The following RYR3 variants were observed in gnomAD, a reference collection of about 807,000 sequenced individuals.
The protein encoded by RYR3 is ryanodine receptor 3, also known as brain ryanodine receptor-calcium release channel.
Under a neutral mutation model 584.3 loss-of-function variants are expected in RYR3, and 207 were observed. The observed-to-expected ratio is 0.35, with a 90% CI of 0.32 to 0.40. The LOEUF is 0.40. Among genes scored for constraint, RYR3 ranks in the 10% least tolerant of loss-of-function variants. The pLI is 1.00. For synonymous variants in RYR3, 2,416 were observed against 2,248.5 expected (o/e 1.07, Z -2.11); for missense variants, 5,616 against 6,089.2 (o/e 0.92, Z 2.59).
chr15:33,840,771 C>G (rs969140657), intron 89 of RYR3, 54 bp from the exon 90 acceptor site: 40 of 1,555,726 alleles, frequency 2.6e-5, no homozygotes, highest in Middle Eastern at 1.7e-4. Context: ...AATGTCTCAT[C>G]ATCATGACCT....
At chr15:33,490,500 A>T (rs986101469) in intron 2 of RYR3, among the ~76,000 whole-genome samples, 1 of 152,174 alleles carries the variant, frequency 6.6e-6, no homozygotes, top group Non-Finnish European at 1.5e-5. Flanking sequence ...AATAGTACTG[A>T]GGGTGGAATA....
At chr15:33,739,285 G>A (rs16957930) in intron 50 of RYR3, among the ~76,000 whole-genome samples, 70 of 152,276 alleles carry the variant, frequency 4.6e-4, no homozygotes, top group Non-Finnish European at 7.9e-4. Context: ...CCTGGATTTC[G>A]TTGGTCTAGT....
At chr15:33,685,172 C>T (rs2064901133) in intron 38 of RYR3, among the ~76,000 whole-genome samples, 1 of 152,156 alleles carries the variant, frequency 6.6e-6, no homozygotes, top group Non-Finnish European at 1.5e-5. Context: ...AGAGTCAAGA[C>T]CCATCAGTGT....
chr15:33,551,315 A>T (rs1249983937), intron 10 of RYR3, among the ~76,000 whole-genome samples: 2 of 152,130 alleles, frequency 1.3e-5, no homozygotes, highest in Non-Finnish European at 2.9e-5. Flanking sequence ...TCCAGAAATA[A>T]ATCTTGATAT....
Position 33,724,093 on chromosome 15 carries a change from GA to G in RYR3, c.6832del (p.Ile2278SerfsTer16). 6.2e-7 allele frequency: 1 copy of G among 1,612,066 alleles called. No homozygotes were observed. Among genetic ancestry groups the G allele is most frequent in the Non-Finnish European group, 8.5e-7 (1 of 1,178,238 alleles). On this transcript the variant is annotated frameshift_variant, in exon 45 of 104. Coordinates refer to ENST00000634891, the MANE Select transcript of RYR3 (RefSeq NM_001036.6). LOFTEE classifies it high-confidence loss of function. ...VSTGDDEEEE[E>X]IVHMGNAIMS... ...CACGGGGGACGATGAAGAGGAAGAAGAAATCGTGCATATGGGCAATGCAATT... is the reference window on the plus strand; with the variant it reads ...CACGGGGGACGATGAAGAGGAAGAAGAATCGTGCATATGGGCAATGCAATT...
chr15:33,554,841 T>TCATG (rs1484165785), intron 10 of RYR3, among the ~76,000 whole-genome samples: 1 of 152,238 alleles, frequency 6.6e-6, no homozygotes, highest in African/African-American at 2.4e-5. Context: ...TGTTTAGATG[T>TCATG]CATGACTCAA....
intron 1 of RYR3, among the ~76,000 whole-genome samples, chr15:33,433,497 CAAAG>C (rs764618347): frequency 9.2e-5 from 14 of 151,560 alleles, no homozygotes; most frequent in Non-Finnish European, 1.8e-4. Flanking sequence ...ATGATACACT[CAAAG>C]AAATTAAAGG....
At chr15:33,366,992 G>A (rs896690508) in intron 1 of RYR3, among the ~76,000 whole-genome samples, 22 of 152,278 alleles carry the variant, frequency 1.4e-4, no homozygotes, top group Middle Eastern at 3.4e-3. Flanking sequence ...TGATATTAGC[G>A]TGGCCAATTT....
At chr15:33,603,471 G>A (rs751282791) in intron 18 of RYR3, 107 bp downstream of exon 18, 11 of 1,187,836 alleles carry the variant, frequency 9.3e-6, no homozygotes, top group Non-Finnish European at 1.3e-5. Flanking sequence ...ACAGACTCAA[G>A]AGTCTCAACT....
chr15:33,810,380 C>A lies in RYR3; in HGVS notation c.10027-99C>A. 5.7e-6 allele frequency: 7 copies of A among 1,230,006 alleles called. No individual in the cohort carries two copies. The East Asian group carries it at 1.7e-4, about 30-fold the overall frequency. 76.2% of individuals were successfully genotyped at this position (1,230,006 alleles called of 1,614,324 possible). A position where few individuals can be genotyped will look rare whatever the true frequency, so the allele number is the denominator to read the frequency against. The stretch of plus-strand genomic sequence containing the variant: ...GAAGTGTAGTAAGGCCCACCCTATA[C>A]TGACAGGGCCACAAGGAGGCAGGCT... On this transcript the variant is annotated intron_variant, in intron 70 of 103. Coordinates refer to ENST00000634891, the MANE Select transcript of RYR3 (RefSeq NM_001036.6).
At chr15:33,666,637 A>G (rs985600016) in intron 36 of RYR3, among the ~76,000 whole-genome samples, 4 of 152,226 alleles carry the variant, frequency 2.6e-5, no homozygotes, top group Admixed American at 6.5e-5. Flanking sequence ...TCCTTCTACA[A>G]CCTTTGAAGA....
chr15:33,474,192 T>A (rs1281634235), intron 2 of RYR3, among the ~76,000 whole-genome samples: 2 of 152,220 alleles, frequency 1.3e-5, no homozygotes, highest in Non-Finnish European at 2.9e-5. Flanking sequence ...AAAACCTCTA[T>A]ATCCGTCAGG....
intron 1 of RYR3, among the ~76,000 whole-genome samples, chr15:33,451,854 TAAAG>T (rs2047159820): frequency 6.6e-6 from 1 of 152,262 alleles, no homozygotes; most frequent in Non-Finnish European, 1.5e-5. Flanking sequence ...AGTTGATAAA[TAAAG>T]CTCATAAAAT....
intron 43 of RYR3, among the ~76,000 whole-genome samples, chr15:33,719,597 A>T (rs947691909): frequency 1.3e-5 from 2 of 152,218 alleles, no homozygotes; most frequent in Non-Finnish European, 2.9e-5. Flanking sequence ...AGAAATTACA[A>T]CTGAGAGGGC....
At chr15:33,669,543 G>A in intron 37 of RYR3, 87 bp downstream of exon 37, 2 of 1,152,520 alleles carry the variant, frequency 1.7e-6, no homozygotes, top group Non-Finnish European at 2.6e-6. Context: ...TGGGAGGTTG[G>A]GAAGTTATTT....
Position 33,731,598 on chromosome 15 carries a change from A to T in RYR3, c.7328A>T (p.Asp2443Val). ...AGTEHCTSLIDSTLQTIYRLS... is the reference protein window; with the variant it reads ...AGTEHCTSLIVSTLQTIYRLS... The stretch of plus-strand genomic sequence containing the variant: ...ACAGAACACTGCACCTCTCTGATTG[A>T]TTCCACACTGCAGACAATATACAGG... Residue 2443 changes from aspartate to valine, a missense_variant, in exon 48 of 104, where the codon GAT (aspartate) becomes GTT (valine). This residue lies in a region of RYR3 where 1,280 missense variants were observed against 1,426.2 expected (regional missense o/e 0.90). Coordinates refer to ENST00000634891, the MANE Select transcript of RYR3 (RefSeq NM_001036.6). The T allele has an allele frequency of 6.2e-7, 1 of 1,613,834 alleles. No individual in the cohort carries two copies. The highest frequency in any genetic ancestry group is 8.5e-7 in the Non-Finnish European group (1 of 1,179,740).
intron 47 of RYR3, 37 bp from the exon 48 acceptor site, chr15:33,731,437 A>G (rs752272907): frequency 2.7e-6 from 4 of 1,493,050 alleles, no homozygotes; most frequent in South Asian, 2.4e-5. Flanking sequence ...TCTGTTCCTC[A>G]GGGCAATTAA....
intron 47 of RYR3, 139 bp downstream of exon 47, chr15:33,729,165 T>C (rs749720307): frequency 2.5e-4 from 183 of 740,580 alleles, no homozygotes; most frequent in Middle Eastern, 7.9e-4. Flanking sequence ...AATAGAGGTA[T>C]CATGAAATGG....
At chr15:33,560,036 G>T (rs1375657907) in intron 10 of RYR3, among the ~76,000 whole-genome samples, 2 of 152,224 alleles carry the variant, frequency 1.3e-5, no homozygotes, top group Admixed American at 6.5e-5. Flanking sequence ...GAAAGAGAAT[G>T]ATTGGATTAG....
Sources: gnomAD v4.1 joint callset for allele counts (sites outside exome capture counted in the v4.1 genomes callset) on GRCh38, gnomAD v4.1.1 for gene constraint, gnomAD v4.1.1 regional missense constraint, MANE v1.5 for transcripts, NCBI Gene and HGNC (gene_info 2026-07-23, HGNC 2026-07-21) for gene names.